Variants in OXR1 observed in about 807,000 individuals in gnomAD.
The protein encoded by OXR1 is oxidation resistance protein 1.
A neutral mutation model predicts 104.6 loss-of-function variants in OXR1; 41 were observed. That is an observed-to-expected ratio of 0.39 (90% CI 0.31 to 0.51). The LOEUF (loss-of-function observed/expected upper bound fraction) is 0.51. Ranked by LOEUF, OXR1 falls within the 20% of genes least tolerant of loss-of-function variation. OXR1 has a pLI of 0.77. For missense variants in OXR1, 955 were observed against 1,031.9 expected (o/e 0.93, Z 1.02); for synonymous variants, 348 against 348.4 (o/e 1.00, Z 0.01).
chr8:106,626,982 T>C (rs1232793586), intron 3 of OXR1, among the ~76,000 whole-genome samples: 7 of 152,108 alleles, frequency 4.6e-5, no homozygotes, highest in African/African-American at 9.7e-5. Context: ...CTCTATTATG[T>C]TTCGATGCTT....
intron 2 of OXR1, among the ~76,000 whole-genome samples, chr8:106,441,664 T>A (rs1459128620): frequency 7.2e-5 from 11 of 152,158 alleles, no homozygotes; most frequent in Non-Finnish European, 1.6e-4. Flanking sequence ...AGGTATTTTA[T>A]TCTCTTTGCA....
At chr8:106,700,034 A>G (rs1830447191) in intron 7 of OXR1, among the ~76,000 whole-genome samples, 1 of 152,102 alleles carries the variant, frequency 6.6e-6, no homozygotes, top group Non-Finnish European at 1.5e-5. Flanking sequence ...TCTTTTGCAG[A>G]TAGACTTTAT....
At chr8:106,559,922 T>C (rs1462168384) in intron 3 of OXR1, among the ~76,000 whole-genome samples, 2 of 152,208 alleles carry the variant, frequency 1.3e-5, no homozygotes, top group Non-Finnish European at 2.9e-5. Flanking sequence ...TTCAATGATA[T>C]AGCAATTATA....
intron 2 of OXR1, among the ~76,000 whole-genome samples, chr8:106,395,167 G>A (rs926825957): frequency 2.0e-5 from 3 of 152,074 alleles, no homozygotes; most frequent in Non-Finnish European, 1.5e-5. Context: ...TAGATCATGG[G>A]AGCCAGATTT....
chr8:106,276,976 C>A (rs963277965), intron 1 of OXR1, among the ~76,000 whole-genome samples: 1 of 152,046 alleles, frequency 6.6e-6, no homozygotes, highest in African/African-American at 2.4e-5. Context: ...AAGATTGGCC[C>A]TTGCTGATAA....
intron 11 of OXR1, chr8:106,726,207 C>G (rs748894577): frequency 7.9e-6 from 12 of 1,511,130 alleles, no homozygotes; most frequent in Non-Finnish European, 1.1e-5. Context: ...ACAGTTCTTA[C>G]GTGATTTTAT....
intron 3 of OXR1, among the ~76,000 whole-genome samples, chr8:106,555,956 G>GTAT (rs1312316230): frequency 1.1e-4 from 2 of 18,194 alleles, no homozygotes; most frequent in Non-Finnish European, 2.3e-4. Flanking sequence ...ATACACAATG[G>GTAT]AATATTAAAC....
At chr8:106,687,032 T>C (rs1015592228) in intron 6 of OXR1, among the ~76,000 whole-genome samples, 4 of 152,172 alleles carry the variant, frequency 2.6e-5, no homozygotes, top group African/African-American at 9.6e-5. Context: ...TGGCCTGGGT[T>C]TCTGTGTTTG....
chr8:106,297,325 G>T (rs2130070777), intron 1 of OXR1, among the ~76,000 whole-genome samples: 1 of 152,088 alleles, frequency 6.6e-6, no homozygotes, highest in East Asian at 1.9e-4. Context: ...TAAGGAGGAG[G>T]ATCCTACCAC....
At chr8:106,622,455 A>G (rs914137346) in intron 3 of OXR1, among the ~76,000 whole-genome samples, 181 of 129,732 alleles carry the variant, frequency 1.4e-3, no homozygotes, top group Non-Finnish European at 2.2e-3. Flanking sequence ...CACCCCCAGC[A>G]CACACACACA....
Position 106,273,987 on chromosome 8 carries a change from T to C in OXR1, c.-139+3620T>C, listed in dbSNP as rs960552547. 3.3e-5 allele frequency among the ~76,000 whole-genome samples: 5 copies of C among 152,356 alleles called. No homozygotes were observed. In the East Asian group the frequency reaches 9.6e-4, roughly 29 times the overall value. Reference sequence around the variant, plus strand: ...AATCTTAATTTTTAATTCAAATGAATTTAATTAAAATTACAACTTGTAAGT... The same window carrying C: ...AATCTTAATTTTTAATTCAAATGAACTTAATTAAAATTACAACTTGTAAGT... On this transcript the variant is annotated intron_variant, in intron 1 of 16. Coordinates refer to ENST00000517566, the MANE Select transcript of OXR1 (RefSeq NM_001198533.2).
In OXR1 at chr8:106,683,691, T is replaced by G. The variant is rs542463176; in HGVS notation, c.411+385T>G. ...CTTTCAGGAATAATCTAGCCTACTT[T>G]TGTTGTTGTTGTTGTGTTTTAATTT... On this transcript the variant is annotated intron_variant, in intron 5 of 16. Coordinates refer to ENST00000517566, the MANE Select transcript of OXR1 (RefSeq NM_001198533.2). Among the ~76,000 whole-genome samples the G allele has an allele frequency of 4.6e-5, 7 of 152,206 alleles. No individual in the cohort carries two copies. In the South Asian group the frequency reaches 1.5e-3, roughly 32 times the overall value.
intron 2 of OXR1, among the ~76,000 whole-genome samples, chr8:106,490,648 G>A (rs1267196822): frequency 2.0e-5 from 3 of 152,142 alleles, no homozygotes; most frequent in African/African-American, 7.2e-5. Context: ...TTACAGGAAT[G>A]AGCCACTGAA....
intron 2 of OXR1, among the ~76,000 whole-genome samples, chr8:106,484,881 A>T (rs899761637): frequency 6.6e-6 from 1 of 152,092 alleles, no homozygotes; most frequent in African/African-American, 2.4e-5. Flanking sequence ...ACCTACTGAT[A>T]TTTAAAGCAG....
chr8:106,595,387 T>C (rs1301999108), intron 3 of OXR1, among the ~76,000 whole-genome samples: 1 of 151,454 alleles, frequency 6.6e-6, no homozygotes, highest in African/African-American at 2.4e-5. Context: ...CCGTCTCTAC[T>C]AAAAATACAA....
At chr8:106,712,415 G>A (rs1394209979) in intron 10 of OXR1, among the ~76,000 whole-genome samples, 1 of 152,022 alleles carries the variant, frequency 6.6e-6, no homozygotes, top group Admixed American at 6.6e-5. Context: ...TTCTGAGTAG[G>A]TGAAGATATG....
chr8:106,339,748 A>G (rs1052093838), intron 1 of OXR1, among the ~76,000 whole-genome samples: 6 of 151,158 alleles, frequency 4.0e-5, no homozygotes, highest in African/African-American at 9.7e-5. Context: ...ACTTCTTTCT[A>G]TGCTAAATGG....
At chr8:106,351,274 C>A (rs1318620064) in intron 1 of OXR1, among the ~76,000 whole-genome samples, 1 of 152,114 alleles carries the variant, frequency 6.6e-6, no homozygotes, top group Non-Finnish European at 1.5e-5. Flanking sequence ...TGTCTGTCCT[C>A]AAGGAATTTA....
intron 3 of OXR1, among the ~76,000 whole-genome samples, chr8:106,678,760 G>A (rs1473967826): frequency 6.6e-6 from 1 of 151,868 alleles, no homozygotes; most frequent in Non-Finnish European, 1.5e-5. Flanking sequence ...CCATAGAGAA[G>A]ACTATTTTTC....
Sources: gnomAD v4.1 joint callset for allele counts (sites outside exome capture counted in the v4.1 genomes callset) on GRCh38, gnomAD v4.1.1 for gene constraint, MANE v1.5 for transcripts, NCBI Gene and HGNC (gene_info 2026-07-23, HGNC 2026-07-21) for gene names.